Variants in ZWILCH observed in about 807,000 individuals in gnomAD.
The protein encoded by ZWILCH is protein zwilch homolog.
A neutral mutation model predicts 79.9 loss-of-function variants in ZWILCH; 74 were observed. The ratio of observed to expected loss-of-function variants is 0.93; its 90% confidence interval spans 0.77 to 1.12. ZWILCH has a LOEUF of 1.12. Among genes scored for constraint, ZWILCH ranks in the 50% most tolerant of loss-of-function variants. The probability of loss-of-function intolerance (pLI) is 0.00; values close to 1 mark genes in which losing one functional copy is unlikely to be tolerated. For missense variants in ZWILCH, 694 were observed against 687.5 expected, an observed-to-expected ratio of 1.01 and a Z score of -0.11; for synonymous variants, 241 against 228.2, an observed-to-expected ratio of 1.06 and a Z score of -0.51.
At chr15:66,521,244 C>G (rs199750779) in intron 7 of ZWILCH, 39 bp downstream of exon 7, 2 of 1,597,456 alleles carry the variant, frequency 1.3e-6, no homozygotes, top group African/African-American at 1.3e-5. Flanking sequence ...GTTCATGAGA[C>G]TCCTAAATGT....
At chr15:66,515,878 T>G (rs1177683693) in intron 4 of ZWILCH, among the ~76,000 whole-genome samples, 2 of 152,168 alleles carry the variant, frequency 1.3e-5, no homozygotes, top group Non-Finnish European at 2.9e-5. Flanking sequence ...ACCAATTTAT[T>G]GTTGTTTCTC....
At chr15:66,521,330 A>T in intron 7 of ZWILCH, 125 bp downstream of exon 7, 1 of 1,120,136 alleles carries the variant, frequency 8.9e-7, no homozygotes, top group East Asian at 2.4e-5. Flanking sequence ...GACAACTCTG[A>T]AAGGCCCACC....
chr15:66,518,094 C>T (rs1241925032), intron 4 of ZWILCH, among the ~76,000 whole-genome samples: 1 of 151,936 alleles, frequency 6.6e-6, no homozygotes, highest in Non-Finnish European at 1.5e-5. Context: ...ACTGAACTTC[C>T]ACTCCTGCTG....
intron 11 of ZWILCH, 82 bp from the exon 12 acceptor site, chr15:66,529,412 A>G (rs1219695033): frequency 3.4e-6 from 3 of 872,968 alleles, no homozygotes; most frequent in Middle Eastern, 2.4e-4. Context: ...TTTCTACTTC[A>G]TTTGTGTATC....
chr15:66,533,074 T>C, intron 14 of ZWILCH, 61 bp downstream of exon 14: 1 of 1,183,946 alleles, frequency 8.4e-7, no homozygotes, highest in South Asian at 1.5e-5. Context: ...CTGTGTGCAG[T>C]TATTAACTGC....
chr15:66,523,004 G>A (rs1894553317), intron 7 of ZWILCH, among the ~76,000 whole-genome samples: 1 of 152,136 alleles, frequency 6.6e-6, no homozygotes, highest in African/African-American at 2.4e-5. Flanking sequence ...TGTAAGTTTA[G>A]TAGGGACGGG....
intron 6 of ZWILCH, 24 bp from the exon 7 acceptor site, chr15:66,521,026 A>G: frequency 6.2e-7 from 1 of 1,609,884 alleles, no homozygotes; most frequent in South Asian, 1.1e-5. Flanking sequence ...CAGCTAAATG[A>G]TCTGCTGGGT....
In ZWILCH at chr15:66,537,236, C is replaced by G; in HGVS notation, c.1547C>G (p.Pro516Arg). ...CACATTTTTCAGCTGCCAGTCAGAC[C>G]AACTGCTGTAAAGAACTTATATCAA... is the stretch of plus-strand genomic sequence containing the variant. ...EQHIFQLPVR[P>R]TAVKNLYQSE... Residue 516 changes from proline to arginine, a missense_variant, in exon 16 of 19, where the codon CCA becomes CGA. Coordinates refer to ENST00000307897, the MANE Select transcript of ZWILCH (RefSeq NM_017975.5). 6.2e-7 allele frequency: 1 copy of G among 1,613,110 alleles called. No homozygotes were observed. The highest frequency in any genetic ancestry group is 1.1e-5 in the South Asian group (1 of 91,034).
In ZWILCH at chr15:66,550,010, T is replaced by C; in HGVS notation, c.*1686T>C. ...ATGTATAATTATTTAGTTTAATTAT[T>C]AAAGGAAAACATTGAAATATACTGA... On this transcript the variant is annotated 3_prime_UTR_variant, in exon 19 of 19. Transcript: ENST00000307897. 6.8e-7 allele frequency: 1 copy of C among 1,469,850 alleles called. No homozygotes were observed. Among genetic ancestry groups the C allele is most frequent in the Non-Finnish European group, 9.2e-7 (1 of 1,084,096 alleles). The allele number at this position is 1,469,850 out of a possible 1,614,324, so 91.1% of individuals were successfully genotyped here.
intron 17 of ZWILCH, 57 bp from the exon 18 acceptor site, chr15:66,546,534 C>T (rs1370496748): frequency 1.8e-5 from 21 of 1,188,846 alleles, no homozygotes; most frequent in Non-Finnish European, 2.3e-5. Context: ...CAGCATTATA[C>T]ATGGTAGAAA....
At chr15:66,521,320 G>A in intron 7 of ZWILCH, 115 bp downstream of exon 7, 3 of 1,270,596 alleles carry the variant, frequency 2.4e-6, no homozygotes, top group East Asian at 4.6e-5. Context: ...TGTGAGCTTG[G>A]ACAACTCTGA....
At chr15:66,511,895 G>C (rs142657860) in intron 2 of ZWILCH, among the ~76,000 whole-genome samples, 5 of 152,024 alleles carry the variant, frequency 3.3e-5, no homozygotes, top group African/African-American at 1.2e-4. Flanking sequence ...GATTACATTC[G>C]TGAGCCACTG....
intron 14 of ZWILCH, among the ~76,000 whole-genome samples, chr15:66,534,193 T>C (rs1894941183): frequency 6.6e-6 from 1 of 152,242 alleles, no homozygotes; most frequent in Admixed American, 6.5e-5. Context: ...TTTTTTTTCT[T>C]GTCATTCTCT....
chr15:66,533,067 T>C (rs1036440310), intron 14 of ZWILCH, 54 bp downstream of exon 14: 1 of 1,322,596 alleles, frequency 7.6e-7, no homozygotes, highest in Admixed American at 2.0e-5. Flanking sequence ...AGTCATTCTG[T>C]GTGCAGTTAT....
chr15:66,539,449 G>T (rs185969875), intron 16 of ZWILCH, among the ~76,000 whole-genome samples: 5 of 149,744 alleles, frequency 3.3e-5, no homozygotes, highest in Admixed American at 3.3e-4. Context: ...ACTAGACCTT[G>T]GTAACTCTAG....
At chr15:66,519,145 T>G in intron 5 of ZWILCH, 67 bp downstream of exon 5, 1 of 1,523,024 alleles carries the variant, frequency 6.6e-7, no homozygotes, top group Non-Finnish European at 9.1e-7. Flanking sequence ...TTTCATGTTT[T>G]TTTACGAAAA....
At chr15:66,542,178 C>T (rs568371877) in intron 17 of ZWILCH, among the ~76,000 whole-genome samples, 15 of 152,248 alleles carry the variant, frequency 9.9e-5, no homozygotes, top group African/African-American at 3.4e-4. Flanking sequence ...AGGCCGGGCA[C>T]GGTGGCTCAC....
chr15:66,535,407 G>T (rs1894981917), intron 14 of ZWILCH, among the ~76,000 whole-genome samples: 1 of 152,138 alleles, frequency 6.6e-6, no homozygotes, highest in African/African-American at 2.4e-5. Flanking sequence ...CGGGCGCGGT[G>T]GTTTACGCCT....
At position 66,508,982 on chromosome 15, in the gene ZWILCH, C is replaced by G. The variant is rs541467952; in HGVS notation, c.105+90C>G. On this transcript the variant is annotated intron_variant, in intron 2 of 18. Coordinates refer to ENST00000307897, the MANE Select transcript of ZWILCH (RefSeq NM_017975.5). ...TGAGACGGAGTCATGCTCTGTTACC[C>G]AGGCTGGAGTGCAGTGGCGCGATCT... 3 of 1,413,002 alleles carry G rather than the reference C, an allele frequency of 2.1e-6. No homozygotes were observed. In the East Asian group the frequency reaches 7.3e-5, roughly 34 times the overall value. 87.5% of individuals were successfully genotyped at this position (1,413,002 alleles called of 1,614,324 possible).
Sources: gnomAD v4.1 joint callset for allele counts (sites outside exome capture counted in the v4.1 genomes callset) on GRCh38, gnomAD v4.1.1 for gene constraint, MANE v1.5 for transcripts, NCBI Gene and HGNC (gene_info 2026-07-23, HGNC 2026-07-21) for gene names.